CACNA1C: variants seen among roughly 807,000 people sequenced by gnomAD.
CACNA1C encodes voltage-dependent L-type calcium channel subunit alpha-1C.
In CACNA1C, 30 loss-of-function variants were observed where a neutral mutation model predicts 229.0. The observed-to-expected ratio is 0.13, with a 90% CI of 0.10 to 0.18. The LOEUF (loss-of-function observed/expected upper bound fraction) is 0.18. CACNA1C is among the 10% of genes least tolerant of loss of function. CACNA1C has a pLI of 1.00. For synonymous variants in CACNA1C, 1,114 were observed against 1,132.5 expected, an observed-to-expected ratio of 0.98 and a Z score of 0.33; for missense variants, 1,658 against 2,845.0, an observed-to-expected ratio of 0.58 and a Z score of 9.49.
chr12:2,284,274 C>G lies in CACNA1C; in HGVS notation c.477+163844C>G, dbSNP rs893123834. Among the ~76,000 whole-genome samples, 9 of 150,194 alleles carry G rather than the reference C, an allele frequency of 6.0e-5. No individual in the cohort carries two copies. The East Asian group carries it at 1.6e-3, about 26-fold the overall frequency. ...TTTTACCCACGGAAAAAGCTGAATT[C>G]TCTAGAACAGACCTCTAGATTTTTT... On this transcript the variant is annotated intron_variant, in intron 3 of 46. Transcript: ENST00000399655.
At chr12:2,531,578 A>G (rs1486673416) in intron 9 of CACNA1C, among the ~76,000 whole-genome samples, 2 of 152,086 alleles carry the variant, frequency 1.3e-5, no homozygotes, top group Non-Finnish European at 2.9e-5. Context: ...AGCTGAGGAG[A>G]GGATGCCCTC....
chr12:2,588,434 T>C (rs1280191587), intron 18 of CACNA1C, among the ~76,000 whole-genome samples: 1 of 152,218 alleles, frequency 6.6e-6, no homozygotes, highest in Non-Finnish European at 1.5e-5. Context: ...TCTCTTGCCC[T>C]GTCTCCTAGG....
intron 3 of CACNA1C, among the ~76,000 whole-genome samples, chr12:2,124,900 C>T (rs1484571065): frequency 1.3e-5 from 2 of 152,008 alleles, no homozygotes; most frequent in Admixed American, 6.5e-5. Flanking sequence ...GTCCTACCGG[C>T]GGTCGACAGG....
chr12:2,492,305 A>C (rs141965283), intron 6 of CACNA1C, among the ~76,000 whole-genome samples: 263 of 152,244 alleles, frequency 1.7e-3, no homozygotes, highest in African/African-American at 5.9e-3. Context: ...AATTAGTCCA[A>C]CTGCTGCATT....
At chr12:2,478,603 A>T (rs2099643585) in intron 5 of CACNA1C, among the ~76,000 whole-genome samples, 1 of 152,184 alleles carries the variant, frequency 6.6e-6, no homozygotes, top group Non-Finnish European at 1.5e-5. Flanking sequence ...TATGGGCCTG[A>T]TGTTGTTCTG....
intron 30 of CACNA1C, among the ~76,000 whole-genome samples, chr12:2,648,260 G>A (rs1215890680): frequency 6.6e-6 from 1 of 152,188 alleles, no homozygotes; most frequent in African/African-American, 2.4e-5. Context: ...GAGAATGCCT[G>A]TGGGTCCTTG....
At chr12:2,619,493 A>G (rs974624163) in intron 29 of CACNA1C, among the ~76,000 whole-genome samples, 3 of 152,170 alleles carry the variant, frequency 2.0e-5, no homozygotes, top group African/African-American at 7.2e-5. Context: ...CTATCCCTTC[A>G]GTCTGATTTC....
Position 2,274,915 on chromosome 12 carries a change from T to A in CACNA1C, c.477+154485T>A, listed in dbSNP as rs963126766. On this transcript the variant is annotated intron_variant, in intron 3 of 46. Coordinates refer to ENST00000399655, the MANE Select transcript of CACNA1C (RefSeq NM_000719.7). ...TGTCAGGGATGGACGAATGTCCCTG[T>A]CAGGAGATGTTGGTCCCTGGCAGCC... 4.6e-5 allele frequency among the ~76,000 whole-genome samples: 7 copies of A among 152,164 alleles called. No individual in the cohort carries two copies. The South Asian group carries it at 1.5e-3, about 32-fold the overall frequency.
At chr12:2,210,956 A>G (rs903028558) in intron 3 of CACNA1C, among the ~76,000 whole-genome samples, 7 of 152,218 alleles carry the variant, frequency 4.6e-5, no homozygotes, top group South Asian at 2.1e-4. Context: ...AGCTGGGATT[A>G]TGTGTATCAA....
chr12:2,201,623 C>CT (rs916628783), intron 3 of CACNA1C, among the ~76,000 whole-genome samples: 5 of 152,338 alleles, frequency 3.3e-5, no homozygotes, highest in African/African-American at 1.2e-4. Context: ...ATAAATGTCA[C>CT]TTTTTTTACT....
chr12:2,347,147 A>G (rs779413534), intron 3 of CACNA1C, among the ~76,000 whole-genome samples: 26 of 152,284 alleles, frequency 1.7e-4, no homozygotes, highest in Non-Finnish European at 3.7e-4. Flanking sequence ...ACTACCTCCA[A>G]GGGTATGTGA....
intron 3 of CACNA1C, among the ~76,000 whole-genome samples, chr12:2,207,312 A>G (rs988813409): frequency 3.3e-5 from 5 of 152,228 alleles, no homozygotes; most frequent in Non-Finnish European, 7.3e-5. Flanking sequence ...GTGTGAAGTC[A>G]GCTGACGGGC....
chr12:2,328,664 A>G (rs2096427964), intron 3 of CACNA1C, among the ~76,000 whole-genome samples: 1 of 152,200 alleles, frequency 6.6e-6, no homozygotes, highest in Admixed American at 6.5e-5. Context: ...GAAGCTGAGA[A>G]CTGAATCAAT....
At chr12:2,242,519 G>T (rs982731697) in intron 3 of CACNA1C, among the ~76,000 whole-genome samples, 31 of 152,290 alleles carry the variant, frequency 2.0e-4, no homozygotes, top group African/African-American at 7.2e-4. Flanking sequence ...TTTGGATTTT[G>T]TATGAAACCT....
At chr12:2,338,913 T>C (rs2096780500) in intron 3 of CACNA1C, among the ~76,000 whole-genome samples, 1 of 152,182 alleles carries the variant, frequency 6.6e-6, no homozygotes, top group African/African-American at 2.4e-5. Context: ...TATGATCCAA[T>C]CTGATTATCT....
chr12:2,420,020 A>G (rs1258884703), intron 3 of CACNA1C, among the ~76,000 whole-genome samples: 1 of 151,652 alleles, frequency 6.6e-6, no homozygotes, highest in South Asian at 2.1e-4. Context: ...GCTTTTCGTA[A>G]TGGGGTCACT....
At chr12:2,213,688 A>G (rs776836190) in intron 3 of CACNA1C, among the ~76,000 whole-genome samples, 1 of 152,154 alleles carries the variant, frequency 6.6e-6, no homozygotes, top group East Asian at 1.9e-4. Context: ...GCTAAACGCT[A>G]GGCTTCCTTC....
intron 4 of CACNA1C, among the ~76,000 whole-genome samples, chr12:2,457,358 A>C (rs913405591): frequency 1.3e-5 from 2 of 152,224 alleles, no homozygotes; most frequent in African/African-American, 2.4e-5. Context: ...TCCCTGGGCC[A>C]TGGTGGCACC....
intron 1 of CACNA1C, among the ~76,000 whole-genome samples, chr12:2,063,937 A>G (rs890430965): frequency 6.6e-6 from 1 of 152,188 alleles, no homozygotes; most frequent in African/African-American, 2.4e-5. Flanking sequence ...ATGACTTTTT[A>G]GCTTTAAGAG....
Sources: gnomAD v4.1 joint callset for allele counts (sites outside exome capture counted in the v4.1 genomes callset) on GRCh38, gnomAD v4.1.1 for gene constraint, MANE v1.5 for transcripts, NCBI Gene and HGNC (gene_info 2026-07-23, HGNC 2026-07-21) for gene names.